Variants in ETV6 observed in about 807,000 individuals in gnomAD.
The protein encoded by ETV6 is transcription factor ETV6.
A neutral mutation model predicts 51.1 loss-of-function variants in ETV6; 16 were observed. The ratio of observed to expected loss-of-function variants is 0.31; its 90% confidence interval spans 0.21 to 0.48. ETV6 has a LOEUF of 0.48. ETV6 is among the 20% of genes least tolerant of loss of function. The pLI is 0.99. For missense variants in ETV6, 458 were observed against 594.8 expected (o/e 0.77, Z 2.39); for synonymous variants, 240 against 224.1 (o/e 1.07, Z -0.64).
chr12:11,891,464 T>TAC lies in ETV6; in HGVS notation c.*419_*420insCA. On this transcript the variant is annotated 3_prime_UTR_variant, in exon 8 of 8. Transcript: ENST00000396373. ...CCTATGGAAATATATATCTATTATA[T>TAC]ATATATTTTTTGCAAATCTCACAAA... The TAC allele has an allele frequency of 2.0e-6, 1 of 489,034 alleles. No individual in the cohort carries two copies. The allele number at this position is 489,034 out of a possible 1,614,324, so 30.3% of individuals were successfully genotyped here. A position where few individuals can be genotyped will look rare whatever the true frequency, so the allele number is the denominator to read the frequency against.
chr12:11,887,586 A>G (rs549039277), intron 7 of ETV6, among the ~76,000 whole-genome samples: 38 of 152,042 alleles, frequency 2.5e-4, no homozygotes, highest in African/African-American at 8.9e-4. Flanking sequence ...CATCTCTACT[A>G]AAAGTACAAA....
chr12:11,705,108 T>C (rs914697344), intron 1 of ETV6, among the ~76,000 whole-genome samples: 1 of 152,226 alleles, frequency 6.6e-6, no homozygotes, highest in African/African-American at 2.4e-5. Flanking sequence ...TCTAGAGACT[T>C]AATGTACAAC....
intron 1 of ETV6, among the ~76,000 whole-genome samples, chr12:11,712,368 G>A (rs892088536): frequency 7.9e-5 from 12 of 152,192 alleles, no homozygotes; most frequent in African/African-American, 2.7e-4. Flanking sequence ...CAGAGGTCCT[G>A]TGTGGAAGAA....
intron 3 of ETV6, among the ~76,000 whole-genome samples, chr12:11,842,250 A>G (rs1016829834): frequency 2.0e-5 from 3 of 152,018 alleles, no homozygotes; most frequent in African/African-American, 7.3e-5. Flanking sequence ...AAACTGGTGG[A>G]CTGTCTCCTG....
At chr12:11,850,677 A>G (rs1040817402) in intron 3 of ETV6, among the ~76,000 whole-genome samples, 1 of 152,236 alleles carries the variant, frequency 6.6e-6, no homozygotes, top group Non-Finnish European at 1.5e-5. Context: ...CGATCTCACA[A>G]GGTAGATGCC....
At chr12:11,807,960 T>C (rs1403503794) in intron 2 of ETV6, among the ~76,000 whole-genome samples, 1 of 152,192 alleles carries the variant, frequency 6.6e-6, no homozygotes, top group Non-Finnish European at 1.5e-5. Context: ...GCATACGTTT[T>C]TGTCTTTAAT....
intron 1 of ETV6, among the ~76,000 whole-genome samples, chr12:11,659,340 T>C (rs1406543657): frequency 6.6e-6 from 1 of 152,186 alleles, no homozygotes; most frequent in Non-Finnish European, 1.5e-5. Context: ...AAAATAACCC[T>C]TTTTTGAGGA....
chr12:11,740,227 A>G (rs1169200881), intron 1 of ETV6, among the ~76,000 whole-genome samples: 2 of 152,236 alleles, frequency 1.3e-5, no homozygotes, highest in Non-Finnish European at 2.9e-5. Context: ...AGGAATATAA[A>G]GTAATACAAC....
chr12:11,707,498 T>C (rs1244389080), intron 1 of ETV6, among the ~76,000 whole-genome samples: 2 of 152,196 alleles, frequency 1.3e-5, no homozygotes, highest in Non-Finnish European at 1.5e-5. Flanking sequence ...AGCAGGCTGG[T>C]GTTGAGAATT....
chr12:11,722,041 T>C (rs1865398473), intron 1 of ETV6, among the ~76,000 whole-genome samples: 1 of 152,208 alleles, frequency 6.6e-6, no homozygotes, highest in African/African-American at 2.4e-5. Flanking sequence ...AATTTGAATA[T>C]TATGCCCCTG....
intron 2 of ETV6, among the ~76,000 whole-genome samples, chr12:11,755,413 A>G (rs934376894): frequency 5.9e-5 from 9 of 152,104 alleles, no homozygotes; most frequent in African/African-American, 2.2e-4. Context: ...TCTGCATGAG[A>G]CCTATTGTGA....
Position 11,817,061 on chromosome 12 carries a change from A to G in ETV6, c.164-22079A>G, listed in dbSNP as rs115054939. Among the ~76,000 whole-genome samples the G allele has an allele frequency of 6.4e-3, 976 of 152,316 alleles. 15 individuals carry two copies. The highest frequency in any genetic ancestry group is 0.022 in the African/African-American group (920 of 41,560). On this transcript the variant is annotated intron_variant, in intron 2 of 7. Coordinates refer to ENST00000396373, the MANE Select transcript of ETV6 (RefSeq NM_001987.5). ...AACATGGTGAGGGAACCCGAACTTTAGAGTCAAACAGGCTGGTCTGCAAAC... is the reference window on the plus strand; with the variant it reads ...AACATGGTGAGGGAACCCGAACTTTGGAGTCAAACAGGCTGGTCTGCAAAC...
At chr12:11,845,606 C>T (rs979178313) in intron 3 of ETV6, among the ~76,000 whole-genome samples, 3 of 152,072 alleles carry the variant, frequency 2.0e-5, no homozygotes, top group African/African-American at 7.2e-5. Flanking sequence ...AAGTAAAAGA[C>T]TAATTTATTT....
At chr12:11,842,514 T>C (rs1261974330) in intron 3 of ETV6, among the ~76,000 whole-genome samples, 1 of 152,080 alleles carries the variant, frequency 6.6e-6, no homozygotes, top group Non-Finnish European at 1.5e-5. Context: ...ATGTGGGCAG[T>C]GATTGTGTTC....
At chr12:11,790,310 A>G (rs1945562646) in intron 2 of ETV6, among the ~76,000 whole-genome samples, 2 of 151,872 alleles carry the variant, frequency 1.3e-5, no homozygotes, top group African/African-American at 2.4e-5. Context: ...TCTATACTCA[A>G]ACGTCTGGTG....
At chr12:11,890,508 G>C (rs1293653219) in intron 7 of ETV6, among the ~76,000 whole-genome samples, 1 of 151,174 alleles carries the variant, frequency 6.6e-6, no homozygotes, top group African/African-American at 2.4e-5. Flanking sequence ...GCTGACTGCA[G>C]CCTTAACCTC....
At chr12:11,702,051 G>A (rs1452655260) in intron 1 of ETV6, among the ~76,000 whole-genome samples, 1 of 152,194 alleles carries the variant, frequency 6.6e-6, no homozygotes, top group Non-Finnish European at 1.5e-5. Context: ...CAGGTAACTT[G>A]GAGGCCTCAT....
chr12:11,807,169 G>A (rs996819557), intron 2 of ETV6, among the ~76,000 whole-genome samples: 2 of 152,212 alleles, frequency 1.3e-5, no homozygotes, highest in African/African-American at 4.8e-5. Context: ...ATTGTGATCG[G>A]ATGTAACTAC....
At chr12:11,654,719 G>GTA (rs1374161968) in intron 1 of ETV6, among the ~76,000 whole-genome samples, 13 of 151,842 alleles carry the variant, frequency 8.6e-5, no homozygotes, top group Admixed American at 2.6e-4. Context: ...ATCAATATAT[G>GTA]TATATATATA....
Sources: allele counts gnomAD v4.1 joint callset (sites outside exome capture counted in the v4.1 genomes callset), GRCh38; gene constraint gnomAD v4.1.1; transcripts MANE v1.5; gene names NCBI Gene and HGNC (gene_info 2026-07-23, HGNC 2026-07-21).